PACRG: variants seen among roughly 807,000 people sequenced by gnomAD.
PACRG encodes the protein parkin coregulated.
In PACRG, 29 loss-of-function variants were observed where a neutral mutation model predicts 29.7. The observed-to-expected ratio is 0.98, with a 90% CI of 0.73 to 1.33. PACRG has a LOEUF of 1.33. Among genes scored for constraint, PACRG ranks in the 40% most tolerant of loss-of-function variants. PACRG has a pLI of 0.00. For missense variants in PACRG, 279 were observed against 316.2 expected (o/e 0.88, Z 0.89); for synonymous variants, 116 against 118.7 (o/e 0.98, Z 0.15).
At chr6:162,731,516 G>A (rs995094495) in intron 1 of PACRG, among the ~76,000 whole-genome samples, 1 of 151,998 alleles carries the variant, frequency 6.6e-6, no homozygotes, top group African/African-American at 2.4e-5. Flanking sequence ...GTAGAAATGT[G>A]TAGGTTACAT....
intron 4 of PACRG, among the ~76,000 whole-genome samples, chr6:163,115,832 C>T (rs1168912815): frequency 6.6e-6 from 1 of 152,224 alleles, no homozygotes; most frequent in Non-Finnish European, 1.5e-5. Flanking sequence ...CTGTCAGTTT[C>T]AGCTCTTCAC....
At chr6:163,108,559 AT>A (rs34079912) in intron 4 of PACRG, among the ~76,000 whole-genome samples, 9 of 148,794 alleles carry the variant, frequency 6.0e-5, no homozygotes, top group South Asian at 2.2e-4. Flanking sequence ...CACCCAGCTA[AT>A]TTTTTTTTTG....
intron 4 of PACRG, among the ~76,000 whole-genome samples, chr6:163,184,065 G>A (rs528340903): frequency 6.6e-6 from 1 of 152,316 alleles, no homozygotes; most frequent in Non-Finnish European, 1.5e-5. Flanking sequence ...TGCTACAACA[G>A]TGTTTTATTT....
At chr6:162,743,660 C>T (rs1362948650) in intron 1 of PACRG, among the ~76,000 whole-genome samples, 1 of 151,820 alleles carries the variant, frequency 6.6e-6, no homozygotes, top group Non-Finnish European at 1.5e-5. Flanking sequence ...AACTTTTTTA[C>T]TGAGTTTTTG....
intron 4 of PACRG, among the ~76,000 whole-genome samples, chr6:163,157,203 C>T (rs1236125908): frequency 2.0e-5 from 3 of 152,196 alleles, no homozygotes; most frequent in South Asian, 2.1e-4. Context: ...TCCTCCGTCC[C>T]GCGTCCAGTA....
intron 4 of PACRG, among the ~76,000 whole-genome samples, chr6:163,167,806 C>T (rs74950442): frequency 0.015 from 2,226 of 152,320 alleles, 58 homozygotes; most frequent in African/African-American, 0.051. Context: ...AGTCCCACTT[C>T]CTTTCAAACC....
intron 4 of PACRG, among the ~76,000 whole-genome samples, chr6:163,184,424 G>T (rs981487122): frequency 2.6e-4 from 40 of 152,280 alleles, no homozygotes; most frequent in South Asian, 2.1e-3. Flanking sequence ...ATGTGGCCAT[G>T]ACAAATTATG....
chr6:163,283,574 G>A (rs1351512082), intron 4 of PACRG, among the ~76,000 whole-genome samples: 1 of 152,040 alleles, frequency 6.6e-6, no homozygotes, highest in African/African-American at 2.4e-5. Context: ...GCCGAGGCGG[G>A]TGGATCATGA....
intron 2 of PACRG, among the ~76,000 whole-genome samples, chr6:163,024,260 G>A (rs933288439): frequency 2.6e-5 from 4 of 152,148 alleles, no homozygotes; most frequent in Admixed American, 2.6e-4. Context: ...GTGAAAGATA[G>A]GGGTCCAGAT....
intron 4 of PACRG, among the ~76,000 whole-genome samples, chr6:163,238,917 C>T (rs543705779): frequency 2.6e-5 from 4 of 152,194 alleles, no homozygotes; most frequent in Admixed American, 1.3e-4. Context: ...TCACTTTTGG[C>T]GTGTAATCAC....
intron 1 of PACRG, among the ~76,000 whole-genome samples, chr6:162,766,440 A>C (rs1355486333): frequency 2.1e-5 from 3 of 141,278 alleles, no homozygotes; most frequent in Admixed American, 1.5e-4. Flanking sequence ...TTTATACCAC[A>C]TTTAAAAAAA....
chr6:163,239,051 G>A (rs1391474509), intron 4 of PACRG, among the ~76,000 whole-genome samples: 1 of 152,204 alleles, frequency 6.6e-6, no homozygotes, highest in Non-Finnish European at 1.5e-5. Flanking sequence ...GTAAAAGCTT[G>A]TGAAAGAAGC....
At chr6:162,947,332 TC>T (rs1348412516) in intron 2 of PACRG, among the ~76,000 whole-genome samples, 1 of 87,580 alleles carries the variant, frequency 1.1e-5, no homozygotes, top group African/African-American at 4.5e-5. Flanking sequence ...ATACATATAA[TC>T]ATATATATAA....
chr6:163,059,736 G>T (rs1209082810), intron 2 of PACRG, among the ~76,000 whole-genome samples: 1 of 152,086 alleles, frequency 6.6e-6, no homozygotes, highest in East Asian at 1.9e-4. Context: ...TGAAAATTAG[G>T]ATATTAATAA....
At chr6:162,814,643 C>A (rs747947170) in intron 2 of PACRG, among the ~76,000 whole-genome samples, 4 of 152,134 alleles carry the variant, frequency 2.6e-5, no homozygotes, top group Non-Finnish European at 5.9e-5. Context: ...CAGATTTCAC[C>A]TTCCTGCAGG....
chr6:162,938,922 A>T (rs1393050363), intron 2 of PACRG, among the ~76,000 whole-genome samples: 1 of 152,150 alleles, frequency 6.6e-6, no homozygotes, highest in South Asian at 2.1e-4. Context: ...AGATGTATAG[A>T]TTGTGAGGAT....
chr6:163,221,628 A>G (rs893606452), intron 4 of PACRG, among the ~76,000 whole-genome samples: 1 of 152,262 alleles, frequency 6.6e-6, no homozygotes, highest in Admixed American at 6.5e-5. Context: ...CACAACTTTA[A>G]ATAAACAAGC....
chr6:162,962,730 G>A (rs1192565087), intron 2 of PACRG, among the ~76,000 whole-genome samples: 1 of 152,194 alleles, frequency 6.6e-6, no homozygotes, highest in Non-Finnish European at 1.5e-5. Flanking sequence ...AATGCCTGTT[G>A]TTTAAGCCAC....
chr6:162,854,901 G>C (rs1791242837), intron 2 of PACRG, among the ~76,000 whole-genome samples: 1 of 152,258 alleles, frequency 6.6e-6, no homozygotes, highest in East Asian at 1.9e-4. Context: ...GGTGCACAGA[G>C]TCCGAAAAGC....
Sources: allele counts gnomAD v4.1 joint callset (sites outside exome capture counted in the v4.1 genomes callset), GRCh38; gene constraint gnomAD v4.1.1; transcripts MANE v1.5; gene names NCBI Gene and HGNC (gene_info 2026-07-23, HGNC 2026-07-21).